RAB7A: variants seen among roughly 807,000 people sequenced by gnomAD.
RAB7A encodes the protein RAB7A, member RAS oncogene family, also known as ras-related protein Rab-7a.
Under a neutral mutation model 24.5 loss-of-function variants are expected in RAB7A, and 2 were observed. The ratio of observed to expected loss-of-function variants is 0.08; its 90% CI spans 0.03 to 0.26. RAB7A has a LOEUF of 0.26. RAB7A is among the 10% of genes least tolerant of loss of function. The probability of loss-of-function intolerance (pLI) is 1.00; values close to 1 mark genes in which losing one functional copy is unlikely to be tolerated. For missense variants in RAB7A, 118 were observed against 255.7 expected (o/e 0.46, Z 3.67); for synonymous variants, 100 against 95.9 (o/e 1.04, Z -0.25).
chr3:128,734,684 C>T (rs2070473729), intron 1 of RAB7A, among the ~76,000 whole-genome samples: 1 of 151,934 alleles, frequency 6.6e-6, no homozygotes, highest in South Asian at 2.1e-4. Context: ...GACACTTGAG[C>T]CCTTAGAATA....
intron 5 of RAB7A, among the ~76,000 whole-genome samples, chr3:128,812,866 C>T (rs988643187): frequency 3.3e-5 from 5 of 152,214 alleles, no homozygotes; most frequent in South Asian, 2.1e-4. Context: ...AGCTCACACT[C>T]AGCTCCAGCC....
intron 1 of RAB7A, among the ~76,000 whole-genome samples, chr3:128,751,687 C>T (rs1297777651): frequency 6.6e-6 from 1 of 152,116 alleles, no homozygotes; most frequent in Non-Finnish European, 1.5e-5. Flanking sequence ...CTGAAATGAG[C>T]TAAGACTTTG....
Position 128,769,735 on chromosome 3 carries a change from C to T in RAB7A, c.-8-25625C>T, listed in dbSNP as rs12635808. On this transcript the variant is annotated intron_variant, in intron 1 of 5. Coordinates refer to ENST00000265062, the MANE Select transcript of RAB7A (RefSeq NM_004637.6). The stretch of plus-strand genomic sequence containing the variant: ...AAAGATCTTAGTTGGCTTTTATTTG[C>T]AATTCGTGAATGAGGGCAGCTTCCA... 0.013 allele frequency among the ~76,000 whole-genome samples: 1,975 copies of T among 152,236 alleles called. 174 individuals are homozygous for T. The East Asian group carries it at 0.24, about 18-fold the overall frequency.
intron 3 of RAB7A, chr3:128,798,939 A>G (rs1038347767): frequency 8.1e-6 from 2 of 246,324 alleles, no homozygotes; most frequent in Admixed American, 9.2e-5. Context: ...TTTGAAACCA[A>G]ACTATTGGGA....
intron 1 of RAB7A, among the ~76,000 whole-genome samples, chr3:128,752,827 C>T (rs1057261988): frequency 6.7e-6 from 1 of 149,194 alleles, no homozygotes; most frequent in African/African-American, 2.5e-5. Context: ...TATGCTACAA[C>T]AGCCTTTTTT....
intron 1 of RAB7A, among the ~76,000 whole-genome samples, chr3:128,738,337 T>C (rs1478975102): frequency 2.0e-5 from 3 of 152,224 alleles, no homozygotes; most frequent in Non-Finnish European, 4.4e-5. Context: ...TCAAGAACCC[T>C]ATGTTTTTCC....
chr3:128,801,339 G>T (rs983121627), intron 3 of RAB7A, among the ~76,000 whole-genome samples: 1 of 108,350 alleles, frequency 9.2e-6, no homozygotes, highest in Non-Finnish European at 2.0e-5. Flanking sequence ...TTTTTTGAAA[G>T]AATTTACTAA....
At chr3:128,806,310 A>G (rs1251252013) in intron 3 of RAB7A, 62 bp from the exon 4 acceptor site, 1 of 1,483,788 alleles carries the variant, frequency 6.7e-7, no homozygotes, top group Admixed American at 1.8e-5. Flanking sequence ...CACCCCTTGC[A>G]TACATGCTCC....
chr3:128,746,798 G>A (rs2107589068), intron 1 of RAB7A, among the ~76,000 whole-genome samples: 1 of 151,626 alleles, frequency 6.6e-6, no homozygotes, highest in South Asian at 2.1e-4. Context: ...CGAAGTGCTG[G>A]GATTACAGGT....
At chr3:128,739,342 G>A (rs2070526085) in intron 1 of RAB7A, among the ~76,000 whole-genome samples, 1 of 151,902 alleles carries the variant, frequency 6.6e-6, no homozygotes, top group African/African-American at 2.4e-5. Context: ...GTGAAACCCC[G>A]TCTCCACCAA....
chr3:128,810,775 C>T (rs114152011), intron 5 of RAB7A, among the ~76,000 whole-genome samples: 5,154 of 152,238 alleles, frequency 0.034, 230 homozygotes, highest in African/African-American at 0.1. Context: ...TCTGCCCAGC[C>T]GAGTGCGGTG....
chr3:128,770,301 C>T (rs1224348374), intron 1 of RAB7A, among the ~76,000 whole-genome samples: 1 of 152,182 alleles, frequency 6.6e-6, no homozygotes, highest in East Asian at 1.9e-4. Flanking sequence ...CCACCACACC[C>T]AGCCCACAAC....
chr3:128,726,879 A>G (rs944605119), intron 1 of RAB7A, among the ~76,000 whole-genome samples: 3 of 152,232 alleles, frequency 2.0e-5, no homozygotes, highest in African/African-American at 4.8e-5. Context: ...GCAGTGAGTC[A>G]GGTCACGTGC....
intron 1 of RAB7A, among the ~76,000 whole-genome samples, chr3:128,750,479 C>T (rs925660187): frequency 1.3e-5 from 2 of 152,212 alleles, no homozygotes; most frequent in Admixed American, 1.3e-4. Flanking sequence ...CCAGGCTGGT[C>T]TCGAACTCCT....
intron 1 of RAB7A, among the ~76,000 whole-genome samples, chr3:128,776,048 C>G (rs1576289953): frequency 6.6e-6 from 1 of 152,260 alleles, no homozygotes; most frequent in Middle Eastern, 3.4e-3. Flanking sequence ...CCCAGTCACC[C>G]TACCCTCAGG....
At chr3:128,769,807 T>C (rs999152188) in intron 1 of RAB7A, among the ~76,000 whole-genome samples, 2 of 152,166 alleles carry the variant, frequency 1.3e-5, no homozygotes, top group African/African-American at 4.8e-5. Flanking sequence ...AGCAGAAGAA[T>C]GGGCTTTGTA....
chr3:128,739,795 C>T (rs147012108), intron 1 of RAB7A, among the ~76,000 whole-genome samples: 138 of 152,054 alleles, frequency 9.1e-4, no homozygotes, highest in South Asian at 3.5e-3. Context: ...TAGGGCCGGG[C>T]GCAGTGGTTC....
chr3:128,756,844 CTTT>C (rs577316612), intron 1 of RAB7A, among the ~76,000 whole-genome samples: 18 of 139,476 alleles, frequency 1.3e-4, no homozygotes, highest in Admixed American at 2.9e-4. Context: ...TATTCGCTAT[CTTT>C]TTTTTTTTTT....
chr3:128,798,111 T>A (rs1174363452), intron 3 of RAB7A, 42 bp downstream of exon 3: 1 of 1,607,164 alleles, frequency 6.2e-7, no homozygotes, highest in Non-Finnish European at 8.5e-7. Context: ...CCTTGATAGT[T>A]CATTTAGTCT....
Sources: allele counts gnomAD v4.1 joint callset (sites outside exome capture counted in the v4.1 genomes callset), GRCh38; gene constraint gnomAD v4.1.1; transcripts MANE v1.5; gene names NCBI Gene and HGNC (gene_info 2026-07-23, HGNC 2026-07-21).